PALLD: variants seen among roughly 807,000 people sequenced by gnomAD.
PALLD encodes the protein palladin, cytoskeletal associated protein.
Under a neutral mutation model 123.5 loss-of-function variants are expected in PALLD, and 61 were observed. The observed-to-expected ratio is 0.49, with a 90% CI of 0.40 to 0.61. The LOEUF (loss-of-function observed/expected upper bound fraction) is 0.61. PALLD is among the 20% of genes least tolerant of loss of function. PALLD has a pLI of 0.00. For synonymous variants in PALLD, 465 were observed against 496.4 expected, an observed-to-expected ratio of 0.94 and a Z score of 0.84; for missense variants, 1,273 against 1,377.0, an observed-to-expected ratio of 0.92 and a Z score of 1.20.
intron 11 of PALLD, among the ~76,000 whole-genome samples, chr4:168,891,794 A>AATG (rs1014829537): frequency 1.3e-5 from 2 of 152,280 alleles, no homozygotes; most frequent in Admixed American, 1.3e-4. Context: ...AGCGAACTGC[A>AATG]ATGAAAGTAT....
intron 2 of PALLD, among the ~76,000 whole-genome samples, chr4:168,637,788 A>G (rs1449400123): frequency 6.6e-6 from 1 of 152,136 alleles, no homozygotes; most frequent in Non-Finnish European, 1.5e-5. Context: ...TACTAAAAAT[A>G]CAAAAATTAG....
At chr4:168,670,495 A>G (rs991873158) in intron 3 of PALLD, among the ~76,000 whole-genome samples, 4 of 151,862 alleles carry the variant, frequency 2.6e-5, no homozygotes, top group African/African-American at 9.7e-5. Context: ...GCACTTTGGG[A>G]GGCCGAGGCG....
chr4:168,849,768 CACTG>C lies in PALLD; in HGVS notation c.1965-41151_1965-41148del, dbSNP rs561943111. The stretch of plus-strand genomic sequence containing the variant: ...CATTTTTAAAGCAAAAAAAAAAAAA[CACTG>C]ACCCTTGGAAAGAAGAACTGGCACT... On this transcript the variant is annotated intron_variant, in intron 10 of 21. Transcript: ENST00000505667. 1.5e-3 allele frequency among the ~76,000 whole-genome samples: 212 copies of C among 139,752 alleles called. 1 individual carries two copies. Among genetic ancestry groups the C allele is most frequent in the East Asian group, 0.013 (58 of 4,574 alleles). The allele number at this position is 139,752 out of a possible 152,430, so 91.7% of individuals were successfully genotyped here.
intron 2 of PALLD, among the ~76,000 whole-genome samples, chr4:168,646,792 G>T (rs922051791): frequency 6.6e-6 from 1 of 152,222 alleles, no homozygotes; most frequent in African/African-American, 2.4e-5. Flanking sequence ...AATCTTAGAA[G>T]ATGAGGATAG....
rs78312893 is a variant in PALLD, at chr4:168,607,200, T to A, written c.909-60990T>A. Among the ~76,000 whole-genome samples the A allele has an allele frequency of 9.9e-5, 15 of 152,272 alleles. No homozygotes were observed. The East Asian group carries it at 2.9e-3, about 29-fold the overall frequency. On this transcript the variant is annotated intron_variant, in intron 2 of 21. Coordinates refer to ENST00000505667, the MANE Select transcript of PALLD (RefSeq NM_001166108.2). ...TGAAAGGAAGAAGAGACAGTGCAGA[T>A]GATAAGTCATATCTGCGGAAATAAA...
chr4:168,548,212 A>G (rs1225851717), intron 2 of PALLD, among the ~76,000 whole-genome samples: 1 of 152,144 alleles, frequency 6.6e-6, no homozygotes, highest in African/African-American at 2.4e-5. Context: ...AAAAGATTGA[A>G]GGGGAGAGTT....
intron 4 of PALLD, among the ~76,000 whole-genome samples, 200 bp downstream of exon 4, chr4:168,681,598 T>TA (rs1198476014): frequency 1.4e-5 from 2 of 148,066 alleles, no homozygotes; most frequent in African/African-American, 2.5e-5. Context: ...CAGGTTGAAG[T>TA]ACGGTGGTGC....
At chr4:168,518,938 A>G (rs553040637) in intron 2 of PALLD, among the ~76,000 whole-genome samples, 1 of 152,364 alleles carries the variant, frequency 6.6e-6, no homozygotes, top group South Asian at 2.1e-4. Context: ...ACATTCATCA[A>G]AGAGAAAATG....
intron 3 of PALLD, among the ~76,000 whole-genome samples, chr4:168,679,062 G>A (rs560773688): frequency 5.6e-5 from 8 of 142,930 alleles, no homozygotes; most frequent in South Asian, 2.3e-4. Context: ...GTGTAGGTGC[G>A]TGTGTGGTGG....
At chr4:168,842,984 C>CG (rs1310607186) in intron 10 of PALLD, among the ~76,000 whole-genome samples, 3 of 152,138 alleles carry the variant, frequency 2.0e-5, no homozygotes, top group Non-Finnish European at 4.4e-5. Context: ...TGATGATAGA[C>CG]GGGGGTCCCA....
intron 10 of PALLD, among the ~76,000 whole-genome samples, chr4:168,744,576 C>T (rs1367800718): frequency 1.3e-5 from 2 of 152,178 alleles, no homozygotes; most frequent in Admixed American, 6.5e-5. Context: ...CCTGGTCCAA[C>T]CCCTCTGTTA....
intron 15 of PALLD, among the ~76,000 whole-genome samples, chr4:168,904,879 C>A (rs1404580753): frequency 6.6e-6 from 1 of 152,074 alleles, no homozygotes; most frequent in Non-Finnish European, 1.5e-5. Flanking sequence ...GTAGTCCCAG[C>A]ACTTTGGGAG....
intron 10 of PALLD, among the ~76,000 whole-genome samples, chr4:168,862,353 G>T (rs938651742): frequency 6.6e-6 from 1 of 151,306 alleles, no homozygotes; most frequent in Admixed American, 6.6e-5. Context: ...TCACTGTGTT[G>T]CCTAGGCTGG....
At chr4:168,693,666 A>G (rs1264833207) in intron 8 of PALLD, among the ~76,000 whole-genome samples, 1 of 152,212 alleles carries the variant, frequency 6.6e-6, no homozygotes, top group Non-Finnish European at 1.5e-5. Flanking sequence ...ATTTCTAGCA[A>G]ATCTGTCAAT....
intron 10 of PALLD, among the ~76,000 whole-genome samples, chr4:168,806,399 C>T (rs1457173333): frequency 2.0e-5 from 3 of 152,104 alleles, no homozygotes; most frequent in Non-Finnish European, 4.4e-5. Context: ...GGCACTTCCC[C>T]CTTTGCTCTC....
chr4:168,532,217 T>A (rs758142423), intron 2 of PALLD, among the ~76,000 whole-genome samples: 13 of 152,198 alleles, frequency 8.5e-5, no homozygotes, highest in Non-Finnish European at 1.8e-4. Flanking sequence ...GCAAGTTTGC[T>A]AACAGCCTCC....
Position 168,918,711 on chromosome 4 carries a change from C to T in PALLD, c.2850+2684C>T, listed in dbSNP as rs577913811. Reference sequence around the variant, plus strand: ...TACTACAAAAAAAAATGAAGTCATACATATGTTAATCAGCTCAGTTTAGGT... The same window carrying T: ...TACTACAAAAAAAAATGAAGTCATATATATGTTAATCAGCTCAGTTTAGGT... On this transcript the variant is annotated intron_variant, in intron 17 of 21. Transcript: ENST00000505667. 2.4e-4 allele frequency among the ~76,000 whole-genome samples: 37 copies of T among 152,162 alleles called. No individual in the cohort carries two copies. In the South Asian group the frequency reaches 7.1e-3, roughly 29 times the overall value.
chr4:168,849,549 T>C (rs753367498), intron 10 of PALLD, among the ~76,000 whole-genome samples: 1 of 152,218 alleles, frequency 6.6e-6, no homozygotes, highest in Non-Finnish European at 1.5e-5. Flanking sequence ...AAAGTCTGAA[T>C]TGAATTCTCG....
intron 3 of PALLD, among the ~76,000 whole-genome samples, chr4:168,674,007 T>C (rs1489725218): frequency 6.6e-6 from 1 of 151,978 alleles, no homozygotes; most frequent in Non-Finnish European, 1.5e-5. Flanking sequence ...CTCCACCTCC[T>C]GGGTTCAAGT....
Sources: allele counts gnomAD v4.1 joint callset (sites outside exome capture counted in the v4.1 genomes callset), GRCh38; gene constraint gnomAD v4.1.1; transcripts MANE v1.5; gene names NCBI Gene and HGNC (gene_info 2026-07-23, HGNC 2026-07-21).